The following STAG2 variants were observed in gnomAD, a reference collection of about 807,000 sequenced individuals.
The protein encoded by STAG2 is STAG2 cohesin complex component, also known as cohesin subunit SA-2.
Under a neutral mutation model 108.1 loss-of-function variants are expected in STAG2, and 14 were observed. That is an observed-to-expected ratio of 0.13 (90% confidence interval 0.09 to 0.20). The LOEUF is 0.20. STAG2 is among the 10% of genes least tolerant of loss of function. STAG2 has a pLI of 1.00. For synonymous variants in STAG2, 307 were observed against 302.7 expected (o/e 1.01, Z -0.15); for missense variants, 440 against 940.9 (o/e 0.47, Z 6.96).
At chrX:124,045,496 C>CTTTA in intron 8 of STAG2, 128 bp downstream of exon 8, 1 of 557,468 alleles carries the variant, frequency 1.8e-6, no homozygotes, top group Non-Finnish European at 2.8e-6. Flanking sequence ...TAAGAGGACA[C>CTTTA]TCCCCCATCC....
chrX:123,968,357 T>C (rs768676955), intron 1 of STAG2, among the ~76,000 whole-genome samples: 23 of 112,318 alleles, frequency 2.0e-4, no homozygotes, highest in African/African-American at 7.1e-4. Flanking sequence ...AAAGGTAAAA[T>C]TTCTTTGTAA....
At chrX:124,063,505 A>G (rs893983204) in intron 19 of STAG2, among the ~76,000 whole-genome samples, 1 of 111,390 alleles carries the variant, frequency 9.0e-6, no homozygotes, top group African/African-American at 3.3e-5. Flanking sequence ...GGGCTCATTC[A>G]GGGTGGTATG....
chrX:124,054,649 A>T (rs2058142532), intron 13 of STAG2, among the ~76,000 whole-genome samples: 1 of 111,899 alleles, frequency 8.9e-6, no homozygotes, highest in Non-Finnish European at 1.9e-5. Flanking sequence ...ATTCATGTTG[A>T]TTTTCAGCCA....
At chrX:124,034,873 TTG>T (rs1407094468) in intron 5 of STAG2, among the ~76,000 whole-genome samples, 1 of 86,426 alleles carries the variant, frequency 1.2e-5, no homozygotes, top group African/African-American at 3.8e-5. Flanking sequence ...GTTGTTGTTG[TTG>T]TTGTTATTAT....
intron 1 of STAG2, among the ~76,000 whole-genome samples, chrX:123,974,819 C>T (rs899796903): frequency 9.1e-6 from 1 of 110,325 alleles, no homozygotes; most frequent in Non-Finnish European, 1.9e-5. Context: ...TGTAGTGATC[C>T]GCCCGCCTTG....
At chrX:124,003,563 A>C (rs751928771) in intron 1 of STAG2, 1 of 110,127 alleles carries the variant, frequency 9.1e-6, no homozygotes, top group African/African-American at 3.3e-5. Flanking sequence ...CTGGGATTAC[A>C]GGCGCCTGCC....
chrX:124,090,351 C>G (rs780733819), intron 30 of STAG2, among the ~76,000 whole-genome samples: 57 of 108,870 alleles, frequency 5.2e-4, no homozygotes, highest in Non-Finnish European at 8.8e-4. Context: ...ATACTTCCCT[C>G]TCTCCTTGCA....
intron 11 of STAG2, 84 bp from the exon 12 acceptor site, chrX:124,051,037 A>G (rs1230039511): frequency 1.8e-6 from 1 of 553,835 alleles, no homozygotes; most frequent in Non-Finnish European, 2.8e-6. Context: ...AAAGTAGAAA[A>G]TATTGTGTAC....
chrX:124,087,865 A>G (rs996797153), intron 30 of STAG2, among the ~76,000 whole-genome samples: 4 of 112,018 alleles, frequency 3.6e-5, no homozygotes, highest in Non-Finnish European at 7.5e-5. Flanking sequence ...TGATTGTCCT[A>G]TGAATTTTAG....
At chrX:123,977,452 T>TC (rs374677344) in intron 1 of STAG2, among the ~76,000 whole-genome samples, 40 of 106,333 alleles carry the variant, frequency 3.8e-4, no homozygotes, top group Non-Finnish European at 5.5e-4. Context: ...CTGTTTTTTT[T>TC]CCCCCCCTCC....
At chrX:124,003,075 C>A (rs1440483891) in intron 1 of STAG2, among the ~76,000 whole-genome samples, 1 of 109,764 alleles carries the variant, frequency 9.1e-6, no homozygotes, top group Non-Finnish European at 1.9e-5. Context: ...TCATGCAATT[C>A]TCCTGCCTCA....
chrX:124,010,907 C>T (rs749219922), intron 1 of STAG2, among the ~76,000 whole-genome samples: 2 of 111,056 alleles, frequency 1.8e-5, no homozygotes, highest in South Asian at 7.5e-4. Flanking sequence ...GAATTTTCAG[C>T]TTAATTTTTT....
At chrX:124,049,169 C>G in intron 10 of STAG2, 91 bp downstream of exon 10, 2 of 694,431 alleles carry the variant, frequency 2.9e-6, no homozygotes, top group Admixed American at 6.0e-5. Context: ...TCTAAATTAG[C>G]AGGAAGAATG....
At chrX:124,034,830 C>A (rs1399712427) in intron 5 of STAG2, among the ~76,000 whole-genome samples, 1 of 109,864 alleles carries the variant, frequency 9.1e-6, no homozygotes, top group Non-Finnish European at 1.9e-5. Flanking sequence ...ATTATTTTTG[C>A]ATTGCCAGGA....
intron 1 of STAG2, among the ~76,000 whole-genome samples, chrX:123,963,611 G>A (rs771844545): frequency 7.8e-4 from 78 of 100,592 alleles, no homozygotes; most frequent in African/African-American, 2.9e-3. Flanking sequence ...ATGTTAAATA[G>A]TCGATTTTTT....
chrX:123,961,724 A>T lies in STAG2; in HGVS notation c.-295A>T, dbSNP rs2053871546. 1.1e-5 allele frequency: 1 copy of T among 91,384 alleles called. No individual in the cohort carries two copies. The highest frequency in any genetic ancestry group is 1.3e-4 in the Admixed American group (1 of 7,971). The allele number at this position is 91,384 out of a possible 1,213,427, so 7.5% of individuals were successfully genotyped here. ...TCCCTCCCTCTCTTCCTCCCTTCCT[A>T]GAGAGGGAACAACATTCATGTGACG... On this transcript the variant is annotated 5_prime_UTR_variant, in exon 1 of 35. Transcript: ENST00000371145.
intron 4 of STAG2, among the ~76,000 whole-genome samples, chrX:124,029,085 T>C (rs1395005153): frequency 9.7e-6 from 1 of 103,237 alleles, no homozygotes; most frequent in Non-Finnish European, 2.0e-5. Flanking sequence ...GGCGCAGTCT[T>C]GGCTCACTGC....
chrX:124,036,630 A>G (rs1350837780), intron 5 of STAG2, among the ~76,000 whole-genome samples: 1 of 111,260 alleles, frequency 9.0e-6, no homozygotes, highest in African/African-American at 3.3e-5. Context: ...CGCTGGCTTC[A>G]GCCTCCCAAA....
chrX:124,010,598 T>C (rs2056490276), intron 1 of STAG2, among the ~76,000 whole-genome samples: 1 of 111,788 alleles, frequency 8.9e-6, no homozygotes, highest in East Asian at 2.8e-4. Flanking sequence ...TACAGTAAGT[T>C]CTCACTTAGT....
Sources: gnomAD v4.1 joint callset for allele counts (sites outside exome capture counted in the v4.1 genomes callset) on GRCh38, gnomAD v4.1.1 for gene constraint, MANE v1.5 for transcripts, NCBI Gene and HGNC (gene_info 2026-07-23, HGNC 2026-07-21) for gene names.